Variants in ZNF365 observed in about 807,000 individuals in gnomAD.
The protein encoded by ZNF365 is zinc finger protein 365.
A neutral mutation model predicts 35.0 loss-of-function variants in ZNF365; 22 were observed. The observed-to-expected ratio is 0.63, with a 90% CI of 0.45 to 0.90. ZNF365 has a LOEUF of 0.90. Ranked by LOEUF, ZNF365 falls within the 40% of genes least tolerant of loss-of-function variation. The pLI is 0.00. For synonymous variants in ZNF365, 188 were observed against 196.2 expected (o/e 0.96, Z 0.35); for missense variants, 448 against 500.3 (o/e 0.90, Z 1.00).
chr10:62,427,901 T>C (rs1840274326), intron 3 of ZNF365, among the ~76,000 whole-genome samples: 1 of 152,154 alleles, frequency 6.6e-6, no homozygotes, highest in Non-Finnish European at 1.5e-5. Flanking sequence ...GTGTTCTGAG[T>C]TGCCAAGAAA....
chr10:62,412,483 G>A (rs996170302), intron 3 of ZNF365, among the ~76,000 whole-genome samples: 2 of 152,106 alleles, frequency 1.3e-5, no homozygotes, highest in Non-Finnish European at 1.5e-5. Context: ...AATAGGGAGA[G>A]AGGAAGTCAA....
chr10:62,388,288 G>A, intron 2 of ZNF365, 108 bp from the exon 3 acceptor site: 1 of 1,208,706 alleles, frequency 8.3e-7, no homozygotes, highest in South Asian at 1.4e-5. Context: ...ATGGAGTACT[G>A]CCTAGGGTGT....
intron 3 of ZNF365, among the ~76,000 whole-genome samples, chr10:62,459,254 G>A (rs987857031): frequency 3.3e-5 from 5 of 152,176 alleles, no homozygotes; most frequent in African/African-American, 1.2e-4. Flanking sequence ...GACTTCAATG[G>A]CATCTGGTTT....
chr10:62,441,872 A>T (rs1479521154), intron 3 of ZNF365, among the ~76,000 whole-genome samples: 1 of 152,226 alleles, frequency 6.6e-6, no homozygotes, highest in Non-Finnish European at 1.5e-5. Context: ...GCCACATAAC[A>T]GCAAATACTT....
In ZNF365 at chr10:62,399,547, T is replaced by G. The variant is rs780573520; in HGVS notation, c.982T>G (p.Ser328Ala). ...CTGTAGAAGCCGAGGGCACCCGCAT[T>G]CGGTATGTAACCACCCTGATCTCAA... ...PKCLSRGHPH[S>A]VCNHPDLKAH... The change falls in exon 5 of 5, where the codon TCG becomes GCG. Residue 328 changes from serine (S) to alanine (A), a missense_variant. Physicochemically the swap from Ser to Ala is moderately conservative, Grantham distance 99 (BLOSUM62 1). Around this residue, in one of 3 missense-constraint regions of ZNF365, gnomAD observed 362 missense variants for 375.7 expected, o/e 0.96. Transcript: ENST00000395254. 6.2e-7 allele frequency: 1 copy of G among 1,614,000 alleles called. No homozygotes were observed. The highest frequency in any genetic ancestry group is 8.5e-7 in the Non-Finnish European group (1 of 1,179,968).
intron 3 of ZNF365, among the ~76,000 whole-genome samples, chr10:62,440,031 T>C (rs553608937): frequency 1.2e-4 from 19 of 152,326 alleles, no homozygotes; most frequent in Admixed American, 3.3e-4. Flanking sequence ...TAGTCTCATA[T>C]GCTTATCTAA....
At chr10:62,458,467 A>AACACACACAC (rs3999114) in intron 3 of ZNF365, among the ~76,000 whole-genome samples, 109 of 148,396 alleles carry the variant, frequency 7.3e-4, no homozygotes, top group Non-Finnish European at 7.3e-4. Flanking sequence ...CACCATCTTG[A>AACACACACAC]ACACACACAC....
intron 3 of ZNF365, among the ~76,000 whole-genome samples, chr10:62,397,302 G>A (rs563565885): frequency 1.1e-4 from 17 of 152,122 alleles, no homozygotes; most frequent in Non-Finnish European, 2.2e-4. Context: ...CTTCCTTTGC[G>A]GCTTGCTGCA....
At chr10:62,477,840 G>A (rs1841158082) in intron 4 of ZNF365, among the ~76,000 whole-genome samples, 1 of 152,126 alleles carries the variant, frequency 6.6e-6, no homozygotes, top group South Asian at 2.1e-4. Flanking sequence ...CATTTCATTG[G>A]CCAAGGTACG....
At chr10:62,457,150 G>C (rs1461291110) in intron 3 of ZNF365, among the ~76,000 whole-genome samples, 2 of 152,162 alleles carry the variant, frequency 1.3e-5, no homozygotes, top group Admixed American at 1.3e-4. Flanking sequence ...GGTGATGACA[G>C]AGGCACAAGA....
At chr10:62,471,114 C>T (rs1039868229) in intron 4 of ZNF365, among the ~76,000 whole-genome samples, 1 of 151,986 alleles carries the variant, frequency 6.6e-6, no homozygotes, top group Non-Finnish European at 1.5e-5. Flanking sequence ...CTCCTGTAAG[C>T]CCAGCACTTT....
intron 3 of ZNF365, among the ~76,000 whole-genome samples, chr10:62,416,223 C>A (rs1487619679): frequency 6.6e-6 from 1 of 151,674 alleles, no homozygotes; most frequent in Non-Finnish European, 1.5e-5. Flanking sequence ...TAACTTCTAC[C>A]TGGTCAGATA....
At chr10:62,452,426 AG>A (rs1364737730) in intron 3 of ZNF365, among the ~76,000 whole-genome samples, 1 of 152,238 alleles carries the variant, frequency 6.6e-6, no homozygotes, top group African/African-American at 2.4e-5. Context: ...ACTGGAGAAC[AG>A]ATCGTGTTCT....
At chr10:62,442,980 A>G (rs1483747225) in intron 3 of ZNF365, among the ~76,000 whole-genome samples, 1 of 152,294 alleles carries the variant, frequency 6.6e-6, no homozygotes, top group East Asian at 1.9e-4. Flanking sequence ...AACAGATTCA[A>G]TTGTCCGTCG....
intron 4 of ZNF365, among the ~76,000 whole-genome samples, chr10:62,461,716 T>C (rs549374545): frequency 6.6e-6 from 1 of 152,226 alleles, no homozygotes; most frequent in African/African-American, 2.4e-5. Context: ...TTCAATGTGC[T>C]CCACAAGTAG....
At chr10:62,464,132 T>C (rs1189813173) in intron 4 of ZNF365, among the ~76,000 whole-genome samples, 3 of 152,218 alleles carry the variant, frequency 2.0e-5, no homozygotes, top group Non-Finnish European at 4.4e-5. Context: ...AAGCCTCACC[T>C]GTAGGGTGAG....
At chr10:62,458,689 T>A (rs1840799905) in intron 3 of ZNF365, among the ~76,000 whole-genome samples, 1 of 152,206 alleles carries the variant, frequency 6.6e-6, no homozygotes, top group African/African-American at 2.4e-5. Flanking sequence ...TCCTCTCACT[T>A]TATTATTATT....
intron 2 of ZNF365, among the ~76,000 whole-genome samples, chr10:62,388,109 T>C (rs902371267): frequency 6.6e-6 from 1 of 152,210 alleles, no homozygotes; most frequent in Non-Finnish European, 1.5e-5. Context: ...TATTATTCAC[T>C]CCTTTCCTTC....
intron 4 of ZNF365, among the ~76,000 whole-genome samples, chr10:62,471,146 C>A (rs1232002940): frequency 6.6e-6 from 1 of 152,056 alleles, no homozygotes; most frequent in African/African-American, 2.4e-5. Context: ...GCGGGCGGAT[C>A]ACGAGGTCAG....
Sources: allele counts gnomAD v4.1 joint callset (sites outside exome capture counted in the v4.1 genomes callset), GRCh38; gene constraint gnomAD v4.1.1; regional missense constraint gnomAD v4.1.1; transcripts MANE v1.5; gene names NCBI Gene and HGNC (gene_info 2026-07-23, HGNC 2026-07-21).